Variants in RARB observed in about 807,000 individuals in gnomAD.
RARB encodes the protein retinoic acid receptor beta.
In RARB, 17 loss-of-function variants were observed where a neutral mutation model predicts 51.9. That is an observed-to-expected ratio of 0.33 (90% confidence interval 0.22 to 0.49). The LOEUF is 0.49. RARB is among the 20% of genes least tolerant of loss of function. The pLI, the probability that RARB is intolerant of heterozygous loss-of-function variation, is 0.99. For missense variants in RARB, 369 were observed against 550.8 expected (o/e 0.67, Z 3.30); for synonymous variants, 215 against 195.4 (o/e 1.10, Z -0.84).
At chr3:25,366,628 C>G (rs1378506996) in intron 5 of RARB, among the ~76,000 whole-genome samples, 1 of 152,114 alleles carries the variant, frequency 6.6e-6, no homozygotes, top group Non-Finnish European at 1.5e-5. Context: ...CTCATGGTTC[C>G]TAAATACTGG....
intron 2 of RARB, among the ~76,000 whole-genome samples, chr3:24,988,600 T>A (rs992762675): frequency 3.9e-5 from 6 of 152,026 alleles, no homozygotes; most frequent in African/African-American, 1.2e-4. Context: ...ATAAAAAAAA[T>A]AGTTTTGGTT....
chr3:24,920,797 GTC>G (rs1460765133), intron 2 of RARB, among the ~76,000 whole-genome samples: 1 of 152,144 alleles, frequency 6.6e-6, no homozygotes, highest in African/African-American at 2.4e-5. Flanking sequence ...TCAGTCATTA[GTC>G]TCTCTCACTT....
chr3:25,486,186 T>C (rs569162993), intron 2 of RARB, among the ~76,000 whole-genome samples: 2 of 152,310 alleles, frequency 1.3e-5, no homozygotes, highest in Admixed American at 6.5e-5. Context: ...AAACCAGCCA[T>C]GTGTCACAAA....
At chr3:25,442,327 G>T (rs912409006) in intron 1 of RARB, among the ~76,000 whole-genome samples, 2 of 151,918 alleles carry the variant, frequency 1.3e-5, no homozygotes, top group African/African-American at 4.8e-5. Flanking sequence ...GTAGAGACGG[G>T]GTTTCATCAT....
chr3:25,326,745 T>G (rs1298553731), intron 5 of RARB, among the ~76,000 whole-genome samples: 1 of 152,158 alleles, frequency 6.6e-6, no homozygotes. Flanking sequence ...AACATCCTTT[T>G]ATAGAAATGA....
At chr3:25,569,661 A>T in intron 3 of RARB, 97 bp from the exon 4 acceptor site, 1 of 1,369,928 alleles carries the variant, frequency 7.3e-7, no homozygotes, top group Non-Finnish European at 9.9e-7. Context: ...CAAATATCAA[A>T]TGAGCTTAAG....
chr3:25,249,081 G>C (rs767586553), intron 5 of RARB, among the ~76,000 whole-genome samples: 1 of 151,994 alleles, frequency 6.6e-6, no homozygotes, highest in Non-Finnish European at 1.5e-5. Flanking sequence ...CAAATATTTG[G>C]TCACTTTATG....
chr3:25,549,797 G>C (rs1463676913), intron 3 of RARB, among the ~76,000 whole-genome samples: 1 of 151,918 alleles, frequency 6.6e-6, no homozygotes, highest in Non-Finnish European at 1.5e-5. Flanking sequence ...ACCTTTATGA[G>C]ACATTACCAT....
intron 5 of RARB, among the ~76,000 whole-genome samples, chr3:25,227,149 G>A (rs1325253262): frequency 6.6e-6 from 1 of 152,170 alleles, no homozygotes; most frequent in South Asian, 2.1e-4. Context: ...TGATGGGCTC[G>A]TGGGCTCACT....
chr3:24,939,727 T>A (rs531111232), intron 2 of RARB, among the ~76,000 whole-genome samples: 4 of 152,216 alleles, frequency 2.6e-5, no homozygotes, highest in African/African-American at 4.8e-5. Context: ...GCATGTTCTT[T>A]GTAAAACTAA....
chr3:25,217,471 AG>A (rs1338829902), intron 5 of RARB, among the ~76,000 whole-genome samples: 1 of 151,984 alleles, frequency 6.6e-6, no homozygotes, highest in Non-Finnish European at 1.5e-5. Context: ...GAGAGGACAA[AG>A]GGGGCATGAA....
In RARB at chr3:25,580,452, A is replaced by G. The variant is rs113014357; in HGVS notation, c.610-94A>G. ...AACAACCTGCCTGCTCAAGGCTGAC[A>G]TGTCACCCCCTCTAATTGGAAACAC... is the stretch of plus-strand genomic sequence containing the variant. On this transcript the variant is annotated intron_variant, in intron 4 of 7. Transcript: ENST00000330688. 841 of 1,231,316 alleles carry G rather than the reference A, an allele frequency of 6.8e-4. 4 individuals carry two copies. The African/African-American group carries it at 0.01, about 15-fold the overall frequency. The allele number at this position is 1,231,316 out of a possible 1,614,324, so 76.3% of individuals were successfully genotyped here.
chr3:24,925,655 T>TAAAAA (rs34972309), intron 2 of RARB, among the ~76,000 whole-genome samples: 12 of 104,788 alleles, frequency 1.1e-4, no homozygotes, highest in African/African-American at 4.7e-4. Context: ...TTTTTTTTTT[T>TAAAAA]AAAAAAAAAA....
At chr3:25,317,071 T>TTATTATAAGTATTATAAGTATTATAAG (rs146573810) in intron 5 of RARB, among the ~76,000 whole-genome samples, 8 of 42,294 alleles carry the variant, frequency 1.9e-4, no homozygotes, top group Non-Finnish European at 4.6e-4. Context: ...AAGTATTTGA[T>TTATTATAAGTATTATAAGTATTATAAG]TATTATAAGT....
At chr3:25,137,080 G>A (rs768684437) in intron 4 of RARB, among the ~76,000 whole-genome samples, 1 of 152,006 alleles carries the variant, frequency 6.6e-6, no homozygotes, top group Non-Finnish European at 1.5e-5. Context: ...GCTTTGAGAT[G>A]AAAGTACACT....
At chr3:25,109,099 A>G (rs1352151290) in intron 3 of RARB, among the ~76,000 whole-genome samples, 1 of 152,216 alleles carries the variant, frequency 6.6e-6, no homozygotes, top group Non-Finnish European at 1.5e-5. Context: ...AATAGCTCTG[A>G]AGGTGTTACT....
chr3:25,226,565 A>G (rs1217493417), intron 5 of RARB, among the ~76,000 whole-genome samples: 1 of 152,198 alleles, frequency 6.6e-6, no homozygotes, highest in Non-Finnish European at 1.5e-5. Flanking sequence ...AATATAATCT[A>G]TACCACATAT....
At chr3:24,866,113 G>C (rs1361550933) in intron 2 of RARB, among the ~76,000 whole-genome samples, 4 of 152,032 alleles carry the variant, frequency 2.6e-5, no homozygotes, top group Admixed American at 2.6e-4. Flanking sequence ...GCTGGCCCCA[G>C]GATGAAGTCT....
At chr3:25,548,014 A>G (rs1699686379) in intron 3 of RARB, among the ~76,000 whole-genome samples, 1 of 152,126 alleles carries the variant, frequency 6.6e-6, no homozygotes. Context: ...AGCCCCAGAA[A>G]GGAAGATGGG....
Sources: gnomAD v4.1 joint callset for allele counts (sites outside exome capture counted in the v4.1 genomes callset) on GRCh38, gnomAD v4.1.1 for gene constraint, MANE v1.5 for transcripts, NCBI Gene and HGNC (gene_info 2026-07-23, HGNC 2026-07-21) for gene names.